LINGO2: variants seen among roughly 807,000 people sequenced by gnomAD.
The protein encoded by LINGO2 is leucine-rich repeat and immunoglobulin-like domain-containing nogo receptor-interacting protein 2.
In LINGO2, 14 loss-of-function variants were observed where a neutral mutation model predicts 30.6. The ratio of observed to expected loss-of-function variants is 0.46; its 90% confidence interval spans 0.30 to 0.72. The LOEUF is 0.72. Among genes scored for constraint, LINGO2 ranks in the 30% least tolerant of loss-of-function variants. The probability of loss-of-function intolerance (pLI) is 0.07; values close to 1 mark genes in which losing one functional copy is unlikely to be tolerated. For missense variants in LINGO2, 729 were observed against 751.7 expected, an observed-to-expected ratio of 0.97 and a Z score of 0.35; for synonymous variants, 317 against 288.5, an observed-to-expected ratio of 1.10 and a Z score of -1.00.
intron 1 of LINGO2, among the ~76,000 whole-genome samples, chr9:28,604,237 T>C (rs898990587): frequency 1.3e-5 from 2 of 151,966 alleles, no homozygotes; most frequent in African/African-American, 2.4e-5. Context: ...TGTTAGGCAA[T>C]AGTAAAAAAC....
chr9:29,180,660 T>C, the LINGO2 span, among the ~76,000 whole-genome samples: 16 of 152,186 alleles, frequency 1.1e-4, no homozygotes, highest in Non-Finnish European at 1.9e-4. Flanking sequence ...CCCCTACACA[T>C]ACCTTCCCCC....
the LINGO2 span, among the ~76,000 whole-genome samples, chr9:28,886,013 G>T: frequency 6.6e-6 from 1 of 151,990 alleles, no homozygotes; most frequent in African/African-American, 2.4e-5. Flanking sequence ...GTTATATTTG[G>T]CTATTTATTT....
At chr9:27,968,592 C>T (rs897359229) in intron 5 of LINGO2, among the ~76,000 whole-genome samples, 2 of 151,894 alleles carry the variant, frequency 1.3e-5, no homozygotes, top group African/African-American at 4.8e-5. Flanking sequence ...TCTGCTTTCT[C>T]TTCATTTTTT....
At chr9:28,384,775 C>A (rs928480156) in intron 2 of LINGO2, among the ~76,000 whole-genome samples, 1 of 151,976 alleles carries the variant, frequency 6.6e-6, no homozygotes, top group Admixed American at 6.6e-5. Context: ...GATACTTGAT[C>A]CAAACTGCTC....
At chr9:28,817,591 C>G in the LINGO2 span, among the ~76,000 whole-genome samples, 1 of 152,174 alleles carries the variant, frequency 6.6e-6, no homozygotes, top group East Asian at 1.9e-4. Context: ...CTTCTCTTTT[C>G]TTCTCAAATA....
intron 4 of LINGO2, among the ~76,000 whole-genome samples, chr9:28,099,110 A>T (rs986123546): frequency 6.6e-6 from 1 of 152,164 alleles, no homozygotes; most frequent in Non-Finnish European, 1.5e-5. Flanking sequence ...CAATAACATT[A>T]GTATTACTAG....
intron 3 of LINGO2, among the ~76,000 whole-genome samples, chr9:28,331,788 G>A (rs948865050): frequency 6.6e-4 from 100 of 152,134 alleles, no homozygotes; most frequent in African/African-American, 2.2e-3. Context: ...ATTACAGGAT[G>A]AGCCACCATT....
At chr9:28,842,953 T>C in the LINGO2 span, among the ~76,000 whole-genome samples, 3 of 151,824 alleles carry the variant, frequency 2.0e-5, no homozygotes, top group African/African-American at 7.3e-5. Context: ...AATGTGACAA[T>C]TAGAAGACAG....
the LINGO2 span, among the ~76,000 whole-genome samples, chr9:28,712,030 G>A: frequency 3.9e-5 from 6 of 152,078 alleles, no homozygotes; most frequent in African/African-American, 1.4e-4. Flanking sequence ...ATAGTATCCA[G>A]TAAGTCCAGC....
chr9:27,944,861 G>GA (rs1823303632), downstream of LINGO2, among the ~76,000 whole-genome samples: 1 of 151,960 alleles, frequency 6.6e-6, no homozygotes, highest in African/African-American at 2.4e-5. Context: ...CTGGGTCATA[G>GA]AAAAAAGGTA....
the LINGO2 span, among the ~76,000 whole-genome samples, chr9:28,944,792 A>G: frequency 1.3e-5 from 2 of 152,114 alleles, no homozygotes; most frequent in East Asian, 1.9e-4. Flanking sequence ...TGACATACAA[A>G]CAGTCAAAAT....
chr9:28,341,651 G>A (rs1426593268), intron 3 of LINGO2, among the ~76,000 whole-genome samples: 1 of 152,120 alleles, frequency 6.6e-6, no homozygotes, highest in African/African-American at 2.4e-5. Flanking sequence ...TTAAGCTTAT[G>A]AAACTTTACC....
At position 28,644,677 on chromosome 9, in the gene LINGO2, G is replaced by A. The variant is rs530266671; in HGVS notation, c.-365+25523C>T. Reference sequence around the variant, plus strand: ...TAGTTTAATTGTTCTTTTTAAATAAGTAAAAGGGTATAATTGGACTGTTTG... The same window carrying A: ...TAGTTTAATTGTTCTTTTTAAATAAATAAAAGGGTATAATTGGACTGTTTG... On this transcript the variant is annotated intron_variant, in intron 1 of 5. Coordinates refer to ENST00000379992, the Ensembl canonical transcript of LINGO2. 2.0e-5 allele frequency among the ~76,000 whole-genome samples: 3 copies of A among 151,922 alleles called. No individual in the cohort carries two copies. In the South Asian group the frequency reaches 6.2e-4, roughly 32 times the overall value.
chr9:29,112,160 AATG>A, the LINGO2 span, among the ~76,000 whole-genome samples: 35,598 of 151,676 alleles, frequency 0.23, 4,305 homozygotes, highest in East Asian at 0.4. Flanking sequence ...CTTCTCCCAA[AATG>A]ATGTCTAATT....
chr9:28,184,864 A>G lies in LINGO2; in HGVS notation c.-87+110344T>C, dbSNP rs975517431. ...GCTGCTTTTTCTGACCCAGGAGCCAAATATTCAGTACAAATTCTTCATTCT... is the reference window on the plus strand; with the variant it reads ...GCTGCTTTTTCTGACCCAGGAGCCAGATATTCAGTACAAATTCTTCATTCT... On this transcript the variant is annotated intron_variant, in intron 4 of 5. Coordinates refer to ENST00000379992, the Ensembl canonical transcript of LINGO2. Among the ~76,000 whole-genome samples, 8 of 152,200 alleles carry G rather than the reference A, an allele frequency of 5.3e-5. No individual in the cohort carries two copies. The East Asian group carries it at 1.5e-3, about 29-fold the overall frequency.
the LINGO2 span, among the ~76,000 whole-genome samples, chr9:29,134,923 C>T: frequency 6.6e-6 from 1 of 151,920 alleles, no homozygotes. Context: ...ACTCACTTTT[C>T]CAATCATGAT....
intron 1 of LINGO2, among the ~76,000 whole-genome samples, chr9:28,533,259 A>G (rs923491181): frequency 3.3e-5 from 5 of 152,080 alleles, no homozygotes; most frequent in African/African-American, 4.8e-5. Flanking sequence ...ACTTTACACC[A>G]GTAGTTTGCC....
At position 28,125,729 on chromosome 9, in the gene LINGO2, G is replaced by T. The variant is rs550461599; in HGVS notation, c.-86-113324C>A. On this transcript the variant is annotated intron_variant, in intron 4 of 5. Transcript: ENST00000379992. ...AAATTGAGTGACCTTCTTTTCTGTG[G>T]GAGCCAAAGGGTGAGCTGAGCCCAT... 2.0e-5 allele frequency among the ~76,000 whole-genome samples: 3 copies of T among 152,210 alleles called. No individual in the cohort carries two copies. The East Asian group carries it at 5.8e-4, about 29-fold the overall frequency.
the LINGO2 span, among the ~76,000 whole-genome samples, chr9:28,788,342 A>C: frequency 6.6e-6 from 1 of 152,184 alleles, no homozygotes; most frequent in South Asian, 2.1e-4. Flanking sequence ...TTTTAAAGTA[A>C]ATTGTGTTTA....
Sources: gnomAD v4.1 joint callset for allele counts (sites outside exome capture counted in the v4.1 genomes callset) on GRCh38, gnomAD v4.1.1 for gene constraint, MANE v1.5 for transcripts, NCBI Gene and HGNC (gene_info 2026-07-23, HGNC 2026-07-21) for gene names.